The following YJU2B variants were observed in gnomAD, a reference collection of about 807,000 sequenced individuals.
The protein encoded by YJU2B is probable splicing factor YJU2B.
YJU2B carries 18 observed loss-of-function variants against 38.0 expected under a neutral mutation model. The ratio of observed to expected loss-of-function variants is 0.47; its 90% CI spans 0.33 to 0.70. The LOEUF is 0.70. YJU2B is among the 30% of genes least tolerant of loss of function. YJU2B has a pLI of 0.02. For synonymous variants in YJU2B, 246 were observed against 225.4 expected, an observed-to-expected ratio of 1.09 and a Z score of -0.82; for missense variants, 538 against 556.3, an observed-to-expected ratio of 0.97 and a Z score of 0.33.
Position 13,759,177 on chromosome 19 carries a change from A to C in YJU2B, c.478A>C (p.Lys160Gln). The change falls in exon 8 of 10, where the codon AAG becomes CAG. Residue 160 changes from lysine (K) to glutamine (Q), a missense_variant. By Grantham distance (53) the Lys-to-Gln change is moderately conservative. Transcript: ENST00000221554. The part of the protein sequence containing the change: ...EHGEADRSTL[K>Q]KALPTLSHIQ... ...TGGCGAGGCCGACCGCAGCACACTC[A>C]AGAAGGCGCTGCCCACACTGAGCCA... The C allele has an allele frequency of 1.2e-6, 2 of 1,613,530 alleles. No individual in the cohort carries two copies. Among genetic ancestry groups the C allele is most frequent in the South Asian group, 2.2e-5 (2 of 91,016 alleles).
chr19:13,759,139 TC>T lies in YJU2B; in HGVS notation c.442del (p.Arg148GlyfsTer19). 1 of 1,613,794 alleles carries T rather than the reference TC, an allele frequency of 6.2e-7. No individual in the cohort carries two copies. The highest frequency in any genetic ancestry group is 2.2e-5 in the East Asian group (1 of 44,872). ...CAGAAGCTGGAGACGGACGCCATGTTCCGGCTGGAGCATGGCGAGGCCGACC... is the reference window on the plus strand; with the variant it reads ...CAGAAGCTGGAGACGGACGCCATGTTCGGCTGGAGCATGGCGAGGCCGACC... Reference protein sequence around the residue: ...KKQKLETDAMFRLEHGEADRS... With the variant: ...KKQKLETDAMXRLEHGEADRS... On this transcript the variant is annotated frameshift_variant, in exon 8 of 10. Transcript: ENST00000221554. LOFTEE classifies it high-confidence loss of function.
intron 6 of YJU2B, 74 bp from the exon 7 acceptor site, chr19:13,758,794 A>AG: frequency 6.5e-7 from 1 of 1,540,870 alleles, no homozygotes; most frequent in South Asian, 1.2e-5. Flanking sequence ...GGTGGAAGGA[A>AG]GCAGGCAGAG....
upstream of YJU2B, among the ~76,000 whole-genome samples, chr19:13,746,808 G>A (rs1256501767): frequency 1.3e-5 from 2 of 152,092 alleles, no homozygotes; most frequent in Non-Finnish European, 2.9e-5. Context: ...TCGGGAGGCT[G>A]AGGCAAGAGA....
At position 13,762,930 on chromosome 19, in the gene YJU2B, G is replaced by T. The variant is rs748867066; in HGVS notation, c.1053G>T (p.Gly351=). The change falls in exon 10 of 10, where the codon GGG becomes GGT. Residue 351 remains glycine (G), a synonymous_variant. Transcript: ENST00000221554. ...TETPKCSSPR[G]QEGSRQDKPL... is the part of the protein sequence containing the mutation. ...CCCCCAAGTGCAGCAGCCCGAGGGG[G>T]CAGGAAGGGAGCCGTCAGGACAAGC... 3 of 1,611,940 alleles carry T rather than the reference G, an allele frequency of 1.9e-6. No homozygotes were observed. The highest frequency in any genetic ancestry group is 2.5e-6 in the Non-Finnish European group (3 of 1,179,806).
rs897122743 is a variant in YJU2B, at chr19:13,751,781, G to C, written c.-28G>C. 1.9e-6 allele frequency: 3 copies of C among 1,614,058 alleles called. No individual in the cohort carries two copies. Among genetic ancestry groups the C allele is most frequent in the Admixed American group, 3.3e-5 (2 of 60,022 alleles). Reference sequence around the variant, plus strand: ...GCCAGTTTCTGATCGTCCGCCCCGAGGCTGAGGACCAGTAGGCAGCTCCCA... The same window carrying C: ...GCCAGTTTCTGATCGTCCGCCCCGACGCTGAGGACCAGTAGGCAGCTCCCA... On this transcript the variant is annotated 5_prime_UTR_variant, in exon 2 of 10. Coordinates refer to ENST00000221554, the MANE Select transcript of YJU2B (RefSeq NM_030818.4).
chr19:13,735,976 T>C (rs1224446968), intron 2 of YJU2B, among the ~76,000 whole-genome samples: 11 of 148,256 alleles, frequency 7.4e-5, no homozygotes, highest in Non-Finnish European at 1.5e-4. Context: ...GGCATGAACC[T>C]GGGAGGCAGA....
chr19:13,739,063 CTAAAT>C (rs1013502005), intron 2 of YJU2B, among the ~76,000 whole-genome samples: 4 of 152,044 alleles, frequency 2.6e-5, no homozygotes, highest in African/African-American at 9.7e-5. Context: ...GACTCCATCT[CTAAAT>C]AAATAAATAA....
At chr19:13,759,048 C>T in intron 7 of YJU2B, 38 bp downstream of exon 7, 1 of 1,612,014 alleles carries the variant, frequency 6.2e-7, no homozygotes, top group South Asian at 1.1e-5. Context: ...GGGCCCTGGC[C>T]CTGAGTCTGC....
chr19:13,754,536 G>T (rs1379715808), intron 3 of YJU2B, among the ~76,000 whole-genome samples, 194 bp downstream of exon 3: 1 of 152,080 alleles, frequency 6.6e-6, no homozygotes, highest in Non-Finnish European at 1.5e-5. Flanking sequence ...GTAACTCCAT[G>T]TCCACACTAT....
intron 2 of YJU2B, among the ~76,000 whole-genome samples, chr19:13,737,616 C>G: frequency 6.7e-6 from 1 of 149,202 alleles, no homozygotes; most frequent in Non-Finnish European, 1.5e-5. Flanking sequence ...AAAATCCCGT[C>G]TCTACTAAAA....
rs536214846 is a variant in YJU2B at position 13,738,577 on chromosome 19, G to A, written c.-202+6292G>A. 5.3e-5 allele frequency among the ~76,000 whole-genome samples: 8 copies of A among 152,190 alleles called. No homozygotes were observed. In the South Asian group the frequency reaches 8.3e-4, roughly 16 times the overall value. On this transcript the variant is annotated intron_variant, in intron 2 of 10. Transcript: ENST00000586600. ...AGTTCAAAACCAGCCTGGCCAACAC[G>A]GTGAAACCCCGTCTCTATTAAAAAT...
At chr19:13,762,089 G>T (rs1460637162) in intron 8 of YJU2B, among the ~76,000 whole-genome samples, 1 of 152,122 alleles carries the variant, frequency 6.6e-6, no homozygotes, top group Admixed American at 6.6e-5. Context: ...TGGATACTTG[G>T]GAGGCTGACA....
intron 2 of YJU2B, among the ~76,000 whole-genome samples, chr19:13,740,161 A>G (rs1393381808): frequency 6.6e-6 from 1 of 152,228 alleles, no homozygotes; most frequent in African/African-American, 2.4e-5. Flanking sequence ...TTGCAGGGAC[A>G]TGCATGAAAC....
chr19:13,760,173 G>C (rs976581667), intron 8 of YJU2B, among the ~76,000 whole-genome samples: 1 of 151,572 alleles, frequency 6.6e-6, no homozygotes, highest in African/African-American at 2.4e-5. Context: ...GTGATCCACC[G>C]TGGCCTACCC....
chr19:13,756,328 C>G, intron 4 of YJU2B, 49 bp downstream of exon 4: 1 of 1,488,404 alleles, frequency 6.7e-7, no homozygotes, highest in Non-Finnish European at 9.4e-7. Flanking sequence ...CCCATTCCTT[C>G]AGTCTCAAGG....
At chr19:13,743,362 C>T (rs902734883), upstream of YJU2B, among the ~76,000 whole-genome samples, 4 of 151,890 alleles carry the variant, frequency 2.6e-5, no homozygotes, top group Non-Finnish European at 4.4e-5. Context: ...GGAGGATTAC[C>T]TGAGGTCAGG....
At position 13,762,335 on chromosome 19, in the gene YJU2B, G is replaced by A; in HGVS notation, c.610G>A (p.Asp204Asn). The stretch of plus-strand genomic sequence containing the variant: ...AGCCATCCAGGAGGAGGAGGAGAGA[G>A]ACCAGGCCTTGCAGGCCAAGGCGAG... ...KKAIQEEEERDQALQAKASLT... is the reference protein window; with the variant it reads ...KKAIQEEEERNQALQAKASLT... Residue 204 changes from aspartate (D) to asparagine (N), a missense_variant, in exon 9 of 10, where the codon GAC becomes AAC. Physicochemically the swap from Asp to Asn is conservative, Grantham distance 23. Around this residue, in one of 2 missense-constraint regions of YJU2B, gnomAD observed 488 missense variants for 469.5 expected, o/e 1.04. Transcript: ENST00000221554. The A allele has an allele frequency of 6.2e-7, 1 of 1,613,930 alleles. No homozygotes were observed. The highest frequency in any genetic ancestry group is 1.7e-5 in the Admixed American group (1 of 60,014).
chr19:13,731,807 A>G (rs1021520313), exon 1 of YJU2B: 2 of 152,246 alleles, frequency 1.3e-5, no homozygotes, highest in African/African-American at 4.8e-5. Flanking sequence ...ACCCGCTTCC[A>G]GGGTCCTCGC....
intron 3 of YJU2B, among the ~76,000 whole-genome samples, chr19:13,755,801 C>CA (rs889067889): frequency 7.3e-5 from 11 of 151,362 alleles, no homozygotes; most frequent in East Asian, 2.0e-4. Flanking sequence ...ACTACAAATA[C>CA]AAAAAAAATA....
Sources: gnomAD v4.1 joint callset for allele counts (sites outside exome capture counted in the v4.1 genomes callset) on GRCh38, gnomAD v4.1.1 for gene constraint, gnomAD v4.1.1 regional missense constraint, MANE v1.5 for transcripts, NCBI Gene and HGNC (gene_info 2026-07-23, HGNC 2026-07-21) for gene names.